Variants in KCTD8 observed in about 807,000 individuals in gnomAD.
The protein encoded by KCTD8 is potassium channel tetramerization domain containing 8.
KCTD8 carries 27 observed loss-of-function variants against 31.5 expected under a neutral mutation model. The ratio of observed to expected loss-of-function variants is 0.86; its 90% CI spans 0.63 to 1.18. KCTD8 has a LOEUF of 1.18. Ranked by LOEUF, KCTD8 falls within the 50% of genes most tolerant of loss-of-function variation. The pLI, the probability that KCTD8 is intolerant of heterozygous loss-of-function variation, is 0.00. For missense variants in KCTD8, 658 were observed against 647.7 expected, an observed-to-expected ratio of 1.02 and a Z score of -0.17; for synonymous variants, 290 against 280.0, an observed-to-expected ratio of 1.04 and a Z score of -0.36.
At chr4:44,420,612 T>G (rs1477538406) in intron 1 of KCTD8, among the ~76,000 whole-genome samples, 1 of 152,126 alleles carries the variant, frequency 6.6e-6, no homozygotes, top group East Asian at 1.9e-4. Flanking sequence ...TGTTGGACAC[T>G]TCTGTTAACT....
At chr4:44,294,948 A>C (rs926626674) in intron 1 of KCTD8, among the ~76,000 whole-genome samples, 1 of 152,196 alleles carries the variant, frequency 6.6e-6, no homozygotes, top group East Asian at 1.9e-4. Flanking sequence ...AATGAACTAG[A>C]AGAAGGTAAC....
chr4:44,290,128 A>T (rs1371711368), intron 1 of KCTD8, among the ~76,000 whole-genome samples: 1 of 152,158 alleles, frequency 6.6e-6, no homozygotes. Flanking sequence ...AAGATCTACC[A>T]TACAAATGAA....
rs568730830 is a variant in KCTD8 at position 44,247,263 on chromosome 4, G to GA, written c.962-72014dup. Among the ~76,000 whole-genome samples, 676 of 151,084 alleles carry GA rather than the reference G, an allele frequency of 4.5e-3. 2 individuals are homozygous for GA. Among genetic ancestry groups the GA allele is most frequent in the Non-Finnish European group, 6.7e-3 (454 of 67,638 alleles). ...TTATGGTACCAATTGTTCCAAAAGG[G>GA]AAAAAAAAGCATCTTAGAACCATTT... is the stretch of plus-strand genomic sequence containing the variant. On this transcript the variant is annotated intron_variant, in intron 1 of 1. Transcript: ENST00000360029.
chr4:44,230,163 C>A (rs191804343), intron 1 of KCTD8, among the ~76,000 whole-genome samples: 5 of 152,270 alleles, frequency 3.3e-5, no homozygotes, highest in Admixed American at 3.3e-4. Flanking sequence ...TGTACGGATT[C>A]ACCGCTGGTA....
At chr4:44,347,293 G>GT (rs1293463724) in intron 1 of KCTD8, among the ~76,000 whole-genome samples, 2 of 152,182 alleles carry the variant, frequency 1.3e-5, no homozygotes, top group Non-Finnish European at 2.9e-5. Context: ...GACAATCATG[G>GT]TTGGAACATG....
intron 1 of KCTD8, among the ~76,000 whole-genome samples, chr4:44,341,365 T>C (rs1718892450): frequency 6.6e-6 from 1 of 152,176 alleles, no homozygotes; most frequent in Non-Finnish European, 1.5e-5. Flanking sequence ...ACAACAACAA[T>C]GAAGATTGCC....
intron 1 of KCTD8, among the ~76,000 whole-genome samples, chr4:44,351,923 A>G (rs1035109093): frequency 3.3e-5 from 5 of 152,114 alleles, no homozygotes; most frequent in African/African-American, 1.2e-4. Context: ...CACAGCAGGC[A>G]CAGTCTAAAA....
intron 1 of KCTD8, among the ~76,000 whole-genome samples, chr4:44,267,813 G>A (rs1002654499): frequency 2.6e-5 from 4 of 152,132 alleles, no homozygotes; most frequent in African/African-American, 4.8e-5. Context: ...TAAATCCCTC[G>A]ACACATACAT....
chr4:44,278,641 A>G (rs1343424466), intron 1 of KCTD8, among the ~76,000 whole-genome samples: 2 of 151,984 alleles, frequency 1.3e-5, no homozygotes, highest in Non-Finnish European at 2.9e-5. Flanking sequence ...GACTTGGAAA[A>G]CGCATCACAT....
In KCTD8 at chr4:44,439,561, A is replaced by G. The variant is rs562216898; in HGVS notation, c.961+8002T>C. 3.3e-5 allele frequency among the ~76,000 whole-genome samples: 5 copies of G among 152,308 alleles called. No homozygotes were observed. The South Asian group carries it at 1.0e-3, about 32-fold the overall frequency. On this transcript the variant is annotated intron_variant, in intron 1 of 1. Transcript: ENST00000360029. ...CTACTTTGACACAAGGTTAAGAAAT[A>G]TAAGTAAAACCAATATTGTAATATT...
intron 1 of KCTD8, among the ~76,000 whole-genome samples, chr4:44,355,971 A>G (rs1416548826): frequency 6.6e-6 from 1 of 152,204 alleles, no homozygotes; most frequent in East Asian, 1.9e-4. Context: ...TATCATCAAT[A>G]ATCACTAGCA....
chr4:44,436,743 T>A (rs1168879077), intron 1 of KCTD8, among the ~76,000 whole-genome samples: 3 of 152,056 alleles, frequency 2.0e-5, no homozygotes, highest in Non-Finnish European at 4.4e-5. Flanking sequence ...GAGTTTTTAA[T>A]AAACAATTCT....
intron 1 of KCTD8, chr4:44,293,359 C>T (rs1359801674): frequency 7.3e-6 from 3 of 413,566 alleles, no homozygotes; most frequent in Non-Finnish European, 1.4e-5. Flanking sequence ...AATTTAAAAC[C>T]AGATTAATTT....
intron 1 of KCTD8, chr4:44,293,387 G>A: frequency 2.3e-6 from 1 of 440,896 alleles, no homozygotes; most frequent in Non-Finnish European, 4.5e-6. Context: ...ATACTTAATG[G>A]AGAGTATTAA....
intron 1 of KCTD8, among the ~76,000 whole-genome samples, chr4:44,383,512 A>G (rs989292900): frequency 2.0e-5 from 3 of 151,994 alleles, no homozygotes; most frequent in Non-Finnish European, 4.4e-5. Context: ...AAAAAATCAC[A>G]TATTTACAGC....
intron 1 of KCTD8, among the ~76,000 whole-genome samples, chr4:44,292,805 G>T (rs1326037064): frequency 6.6e-6 from 1 of 151,936 alleles, no homozygotes; most frequent in African/African-American, 2.4e-5. Context: ...AATCATTATA[G>T]AATTTCCTAT....
At chr4:44,317,437 C>A (rs1718168911) in intron 1 of KCTD8, among the ~76,000 whole-genome samples, 1 of 146,484 alleles carries the variant, frequency 6.8e-6, no homozygotes, top group African/African-American at 2.7e-5. Context: ...GACGGGGTTT[C>A]ACCTTGTTAG....
chr4:44,240,365 G>A (rs1227569951), intron 1 of KCTD8, among the ~76,000 whole-genome samples: 1 of 152,164 alleles, frequency 6.6e-6, no homozygotes, highest in Non-Finnish European at 1.5e-5. Context: ...GGATTTCTGA[G>A]AATCAGTGAT....
chr4:44,291,366 G>C (rs1043693500), intron 1 of KCTD8, among the ~76,000 whole-genome samples: 4 of 152,022 alleles, frequency 2.6e-5, no homozygotes, highest in Admixed American at 1.3e-4. Context: ...CCAAAAAATT[G>C]TCAAAAATAA....
Sources: allele counts gnomAD v4.1 joint callset (sites outside exome capture counted in the v4.1 genomes callset), GRCh38; gene constraint gnomAD v4.1.1; transcripts MANE v1.5; gene names NCBI Gene and HGNC (gene_info 2026-07-23, HGNC 2026-07-21).